Variants in GABRA4 observed in about 807,000 individuals in gnomAD.
GABRA4 encodes gamma-aminobutyric acid receptor subunit alpha-4.
GABRA4 carries 12 observed loss-of-function variants against 49.7 expected under a neutral mutation model. The observed-to-expected ratio is 0.24, with a 90% CI of 0.15 to 0.39. The LOEUF (loss-of-function observed/expected upper bound fraction) is 0.39. Ranked by LOEUF, GABRA4 falls within the 10% of genes least tolerant of loss-of-function variation. GABRA4 has a pLI of 1.00. For synonymous variants in GABRA4, 288 were observed against 240.2 expected, an observed-to-expected ratio of 1.20 and a Z score of -1.84; for missense variants, 506 against 686.0, an observed-to-expected ratio of 0.74 and a Z score of 2.93.
chr4:46,992,581 G>C (rs1016151264), intron 2 of GABRA4: 2 of 504,488 alleles, frequency 4.0e-6, no homozygotes, highest in African/African-American at 1.9e-5. Context: ...CCCCCACCCA[G>C]CAGTCAGGTC....
chr4:46,973,531 T>A (rs998291901), intron 6 of GABRA4, among the ~76,000 whole-genome samples: 1 of 151,824 alleles, frequency 6.6e-6, no homozygotes, highest in African/African-American at 2.4e-5. Flanking sequence ...GCCCTATTTG[T>A]GTTGTTTTGT....
intron 2 of GABRA4, among the ~76,000 whole-genome samples, chr4:46,987,904 T>C (rs1723598014): frequency 6.6e-6 from 1 of 152,144 alleles, no homozygotes; most frequent in Non-Finnish European, 1.5e-5. Flanking sequence ...ACTAAGAGAA[T>C]AAGTTATGCT....
intron 4 of GABRA4, 47 bp from the exon 5 acceptor site, chr4:46,977,190 A>C (rs1723165614): frequency 7.8e-7 from 1 of 1,284,710 alleles, no homozygotes; most frequent in African/African-American, 1.5e-5. Context: ...TTTAAAGAAT[A>C]ATTGTGACTT....
Position 46,928,067 on chromosome 4 carries a change from G to T in GABRA4, c.*158C>A. 1 of 612,114 alleles carries T rather than the reference G, an allele frequency of 1.6e-6. No individual in the cohort carries two copies. Among genetic ancestry groups the T allele is most frequent in the South Asian group, 2.9e-5 (1 of 35,048 alleles). The allele number at this position is 612,114 out of a possible 1,614,324, so 37.9% of individuals were successfully genotyped here. A position where few individuals can be genotyped will look rare whatever the true frequency, so the allele number is the denominator to read the frequency against. ...AAAACATAGTTCACTTTTTCACTCAGGAATTAATTAACTCTCCCAATAACT... is the reference window on the plus strand; with the variant it reads ...AAAACATAGTTCACTTTTTCACTCATGAATTAATTAACTCTCCCAATAACT... On this transcript the variant is annotated 3_prime_UTR_variant, in exon 9 of 9. Transcript: ENST00000264318.
Position 46,929,898 on chromosome 4 carries a change from G to A in GABRA4, c.1135-1143C>T, listed in dbSNP as rs762683763. On this transcript the variant is annotated intron_variant, in intron 8 of 8. Coordinates refer to ENST00000264318, the MANE Select transcript of GABRA4 (RefSeq NM_000809.4). ...GCTAATAAAAGGGTGATTGGAAGAA[G>A]CCAGCCTCAAAGGGCAATTCACAGA... 3.0e-4 allele frequency among the ~76,000 whole-genome samples: 45 copies of A among 152,054 alleles called. 1 individual carries two copies. Among genetic ancestry groups the A allele is most frequent in the Non-Finnish European group, 1.0e-4 (7 of 68,002 alleles).
chr4:46,990,919 C>T (rs1723719169), intron 2 of GABRA4, among the ~76,000 whole-genome samples: 2 of 152,224 alleles, frequency 1.3e-5, no homozygotes, highest in South Asian at 4.1e-4. Flanking sequence ...CGGCTCACGC[C>T]TATAATCCCA....
intron 8 of GABRA4, among the ~76,000 whole-genome samples, chr4:46,938,716 G>C (rs953029809): frequency 6.6e-6 from 1 of 151,972 alleles, no homozygotes. Context: ...AATAGTTCAA[G>C]TTCCATGTTT....
chr4:46,942,524 C>G (rs959638394), intron 8 of GABRA4, among the ~76,000 whole-genome samples: 4 of 151,396 alleles, frequency 2.6e-5, no homozygotes, highest in African/African-American at 9.7e-5. Context: ...ACTTGGGAGG[C>G]TGAGGCATGA....
At chr4:46,990,271 G>C (rs1178732200) in intron 2 of GABRA4, among the ~76,000 whole-genome samples, 1 of 152,186 alleles carries the variant, frequency 6.6e-6, no homozygotes, top group Non-Finnish European at 1.5e-5. Flanking sequence ...TCATTTGGCA[G>C]TGACAAATTA....
In GABRA4 at chr4:46,923,382, G is replaced by A. The variant is rs778130353; in HGVS notation, c.*4843C>T. 1 of 152,006 alleles carries A rather than the reference G, an allele frequency of 6.6e-6. No homozygotes were observed. The highest frequency in any genetic ancestry group is 1.5e-5 in the Non-Finnish European group (1 of 68,006). 9.4% of individuals were successfully genotyped at this position (152,006 alleles called of 1,614,324 possible). On this transcript the variant is annotated 3_prime_UTR_variant, in exon 9 of 9. Transcript: ENST00000264318. ...ATTTTTTATTATTTAATGGCAGCAT[G>A]TATGTCATATTGGCTTCTACATTTA...
chr4:46,978,275 A>G (rs1416180797), intron 3 of GABRA4, among the ~76,000 whole-genome samples: 2 of 152,106 alleles, frequency 1.3e-5, no homozygotes, highest in African/African-American at 2.4e-5. Context: ...TGGGATGGGC[A>G]GCAAGCAATT....
intron 8 of GABRA4, among the ~76,000 whole-genome samples, chr4:46,961,229 C>T (rs1722562499): frequency 6.6e-6 from 1 of 151,790 alleles, no homozygotes; most frequent in Non-Finnish European, 1.5e-5. Flanking sequence ...GGCCCAGTGC[C>T]CTGTAGGAGC....
At chr4:46,959,603 A>C (rs1722491904) in intron 8 of GABRA4, among the ~76,000 whole-genome samples, 1 of 151,708 alleles carries the variant, frequency 6.6e-6, no homozygotes, top group Non-Finnish European at 1.5e-5. Flanking sequence ...CAATTGCTGT[A>C]GTCAGGAAGT....
At chr4:46,975,227 G>A (rs1723099233) in intron 5 of GABRA4, among the ~76,000 whole-genome samples, 1 of 151,922 alleles carries the variant, frequency 6.6e-6, no homozygotes, top group South Asian at 2.1e-4. Flanking sequence ...TAGCATAGTA[G>A]GTCCTCAATG....
chr4:46,943,694 T>C (rs1427171840), intron 8 of GABRA4, among the ~76,000 whole-genome samples: 1 of 152,138 alleles, frequency 6.6e-6, no homozygotes, highest in Non-Finnish European at 1.5e-5. Context: ...ATCTGGTCCA[T>C]ATTCACTTGG....
chr4:46,972,619 AC>A (rs1247564575), intron 6 of GABRA4, among the ~76,000 whole-genome samples: 2 of 151,504 alleles, frequency 1.3e-5, no homozygotes, highest in Admixed American at 1.3e-4. Flanking sequence ...AACATTTGAG[AC>A]CTATTCTCTC....
intron 5 of GABRA4, 122 bp downstream of exon 5, chr4:46,976,939 C>T (rs1723156827): frequency 3.6e-6 from 2 of 561,910 alleles, no homozygotes; most frequent in African/African-American, 4.0e-5. Context: ...AGAAATAAAA[C>T]CGGACAGTTT....
chr4:46,933,390 G>C (rs1721507547), intron 8 of GABRA4, among the ~76,000 whole-genome samples: 3 of 152,080 alleles, frequency 2.0e-5, no homozygotes, highest in Admixed American at 2.0e-4. Context: ...TAGTGCCTAA[G>C]GCATTTAAGT....
rs1433214901 is a variant in GABRA4, at chr4:46,926,047, T to C, written c.*2178A>G. 1 of 150,066 alleles carries C rather than the reference T, an allele frequency of 6.7e-6. No homozygotes were observed. The highest frequency in any genetic ancestry group is 1.5e-5 in the Non-Finnish European group (1 of 67,446). The allele number at this position is 150,066 out of a possible 1,614,324, so 9.3% of individuals were successfully genotyped here. ...TATTTCTTAAGATAGGCCAATAGAT[T>C]AGCAAAGAGTAAGAGTTCCTCACCA... On this transcript the variant is annotated 3_prime_UTR_variant, in exon 9 of 9. Transcript: ENST00000264318.
Sources: allele counts gnomAD v4.1 joint callset (sites outside exome capture counted in the v4.1 genomes callset), GRCh38; gene constraint gnomAD v4.1.1; transcripts MANE v1.5; gene names NCBI Gene and HGNC (gene_info 2026-07-23, HGNC 2026-07-21).